NELFB: variants seen among roughly 807,000 people sequenced by gnomAD.
The protein encoded by NELFB is negative elongation factor complex member B.
A neutral mutation model predicts 60.2 loss-of-function variants in NELFB; 34 were observed. That is an observed-to-expected ratio of 0.56 (90% CI 0.43 to 0.75). NELFB has a LOEUF of 0.75. Among genes scored for constraint, NELFB ranks in the 30% least tolerant of loss-of-function variants. NELFB has a pLI of 0.00. For missense variants in NELFB, 770 were observed against 831.6 expected (o/e 0.93, Z 0.91); for synonymous variants, 459 against 382.1 (o/e 1.20, Z -2.35).
intron 6 of NELFB, 44 bp downstream of exon 6, chr9:137,264,401 G>A (rs762259538): frequency 1.3e-5 from 19 of 1,412,290 alleles, no homozygotes; most frequent in Middle Eastern, 2.4e-4. Flanking sequence ...AGGGCCCTGC[G>A]TGCATCCGGT....
intron 2 of NELFB, 120 bp from the exon 3 acceptor site, chr9:137,256,209 T>A: frequency 7.5e-7 from 1 of 1,333,728 alleles, no homozygotes; most frequent in Non-Finnish European, 1.1e-6. Flanking sequence ...GAGTGACCCC[T>A]TGACCCATGT....
At chr9:137,261,979 C>CAGAG (rs61420748) in intron 4 of NELFB, among the ~76,000 whole-genome samples, 100,263 of 150,142 alleles carry the variant, frequency 0.67, 33,772 homozygotes, top group Admixed American at 0.76. Flanking sequence ...GCAGCCTAGG[C>CAGAG]AGAGAGAGAG....
At position 137,264,273 on chromosome 9, in the gene NELFB, G is replaced by T; in HGVS notation, c.956G>T (p.Arg319Leu). 1 of 1,601,596 alleles carries T rather than the reference G, an allele frequency of 6.2e-7. No homozygotes were observed. Residue 319 changes from arginine to leucine, a missense_variant, in exon 6 of 13, where the codon CGA (arginine) becomes CTA (leucine). Transcript: ENST00000343053. ...ACCTGGTGCCTGGACGCCTGCATCC[G>T]AGAGCGGTTCGTGGACAGCAAGAGG...
At chr9:137,263,360 T>A in intron 5 of NELFB, 138 bp downstream of exon 5, 1 of 375,748 alleles carries the variant, frequency 2.7e-6, no homozygotes, top group Non-Finnish European at 4.2e-6. Flanking sequence ...CCTCCCTCCC[T>A]CCTTCTCCCT....
rs1830472924 is a variant in NELFB at position 137,263,087 on chromosome 9, C to G, written c.792C>G (p.Asp264Glu). The G allele has an allele frequency of 6.2e-7, 1 of 1,614,094 alleles. No homozygotes were observed. Among genetic ancestry groups the G allele is most frequent in the Non-Finnish European group, 8.5e-7 (1 of 1,179,960 alleles). The change falls in exon 5 of 13, where the codon GAC becomes GAG. Residue 264 changes from aspartate to glutamate, a missense_variant. Asp to Glu is a conservative substitution (Grantham distance 45, BLOSUM62 2). Transcript: ENST00000343053. ...TGGGGAAGAACGTGAAGCTGTACGA[C>G]ATGGTGCTGCAGTTTCTGCGCACGC... is the stretch of plus-strand genomic sequence containing the variant.
chr9:137,272,500 T>C lies in NELFB; in HGVS notation c.1632-7T>C. 6.2e-7 allele frequency: 1 copy of C among 1,610,752 alleles called. No individual in the cohort carries two copies. The highest frequency in any genetic ancestry group is 8.5e-7 in the Non-Finnish European group (1 of 1,178,848). ...CTCCTGCCCCAGCCCTGCACGGCCTTTTCCAGGAAGGAGAACGTGCACCGG... is the reference window on the plus strand; with the variant it reads ...CTCCTGCCCCAGCCCTGCACGGCCTCTTCCAGGAAGGAGAACGTGCACCGG... On this transcript the variant is annotated splice_region_variant and splice_polypyrimidine_tract_variant and intron_variant, in intron 11 of 12. Coordinates refer to ENST00000343053, the MANE Select transcript of NELFB (RefSeq NM_015456.5).
At chr9:137,263,330 C>A in intron 5 of NELFB, 108 bp downstream of exon 5, 1 of 1,031,514 alleles carries the variant, frequency 9.7e-7, no homozygotes, top group South Asian at 1.6e-5. Flanking sequence ...CACTGCCCTC[C>A]TGAAGGTAGC....
At chr9:137,265,499 C>T (rs996689115) in intron 6 of NELFB, among the ~76,000 whole-genome samples, 2 of 146,672 alleles carry the variant, frequency 1.4e-5, no homozygotes, top group African/African-American at 2.5e-5. Context: ...AGTGATTCTC[C>T]TGCCTCAGCC....
Position 137,272,127 on chromosome 9 carries a change from G to A in NELFB, c.1536G>A (p.Leu512=). Residue 512 remains leucine (L), a synonymous_variant, in exon 11 of 13, where the codon CTG becomes CTA. Transcript: ENST00000343053. ...CCTTTGGCGACATCTTCCTCCACCT[G>A]CTCACGGGCAACCTTGCGCTGCTGG... 1 of 1,614,216 alleles carries A rather than the reference G, an allele frequency of 6.2e-7. No individual in the cohort carries two copies. The highest frequency in any genetic ancestry group is 8.5e-7 in the Non-Finnish European group (1 of 1,180,034).
chr9:137,255,595 C>T lies in NELFB; in HGVS notation c.230C>T (p.Ala77Val). Residue 77 changes from alanine to valine, a missense_variant, in exon 1 of 13, where the codon GCC becomes GTC. Physicochemically the swap from Ala to Val is moderately conservative, Grantham distance 64. Transcript: ENST00000343053. ...ACCAACTGCACGGAGCCGCTCAAGG[C>T]CATCGAGCAGTTCCAGGTGGGGCGG... is the stretch of plus-strand genomic sequence containing the variant. The T allele has an allele frequency of 6.5e-7, 1 of 1,549,242 alleles. No homozygotes were observed.
At chr9:137,258,124 T>G (rs2089313533) in intron 4 of NELFB, among the ~76,000 whole-genome samples, 1 of 141,996 alleles carries the variant, frequency 7.0e-6, no homozygotes, top group African/African-American at 2.6e-5. Context: ...TGGGGTTTTT[T>G]TTTTTTTTTT....
intron 4 of NELFB, among the ~76,000 whole-genome samples, chr9:137,260,240 T>G (rs1439579771): frequency 1.4e-5 from 2 of 143,116 alleles, no homozygotes; most frequent in Non-Finnish European, 3.1e-5. Flanking sequence ...TTAGTAGAGA[T>G]GGGGTTTCAC....
rs780465187 is a variant in NELFB at position 137,272,143 on chromosome 9, G to T, written c.1552G>T (p.Ala518Ser). The T allele has an allele frequency of 7.4e-6, 12 of 1,614,076 alleles. No individual in the cohort carries two copies. In the Middle Eastern group the frequency reaches 6.6e-4, roughly 88 times the overall value. ...CCTCCACCTGCTCACGGGCAACCTT[G>T]CGCTGCTGGCCGACGAATTTGCCCT... Residue 518 changes from alanine (A) to serine (S), a missense_variant, in exon 11 of 13, where the codon GCG (alanine) becomes TCG (serine). By Grantham distance (99) the Ala-to-Ser change is moderately conservative. Coordinates refer to ENST00000343053, the MANE Select transcript of NELFB (RefSeq NM_015456.5).
chr9:137,261,354 A>C (rs1451007800), intron 4 of NELFB, among the ~76,000 whole-genome samples: 3 of 147,444 alleles, frequency 2.0e-5, no homozygotes, highest in Non-Finnish European at 4.5e-5. Flanking sequence ...AAAAAAAAAA[A>C]AAGTAAAAAA....
intron 3 of NELFB, among the ~76,000 whole-genome samples, 167 bp from the exon 4 acceptor site, chr9:137,256,657 T>G (rs1403009884): frequency 6.6e-6 from 1 of 152,258 alleles, no homozygotes; most frequent in African/African-American, 2.4e-5. Context: ...GCTGTTGGTA[T>G]TTAGCATGTC....
Position 137,269,099 on chromosome 9 carries a change from G to A in NELFB, c.1489+1753G>A, listed in dbSNP as rs984172726. Among the ~76,000 whole-genome samples, 13 of 152,126 alleles carry A rather than the reference G, an allele frequency of 8.5e-5. No individual in the cohort carries two copies. Among genetic ancestry groups the A allele is most frequent in the African/African-American group, 2.9e-4 (12 of 41,390 alleles). On this transcript the variant is annotated intron_variant, in intron 10 of 12. Transcript: ENST00000343053. The surrounding 1 kb of genome is among the most constrained non-coding windows in gnomAD (Gnocchi z 5.3). ...GGGACACGTCCACACCACAGCACGT[G>A]CCTATTGTGTTTCTCGGTGGCTGGT...
intron 6 of NELFB, 75 bp downstream of exon 6, chr9:137,264,432 C>T (rs187618743): frequency 2.1e-5 from 23 of 1,100,024 alleles, no homozygotes; most frequent in African/African-American, 1.3e-4. Flanking sequence ...TGTGTTTTGC[C>T]GTGGGTAGCA....
At chr9:137,261,262 C>T (rs1169245230) in intron 4 of NELFB, among the ~76,000 whole-genome samples, 4 of 150,908 alleles carry the variant, frequency 2.7e-5, no homozygotes, top group African/African-American at 9.8e-5. Context: ...ATGGTGTGAA[C>T]CTGGGAGGTG....
rs370535339 is a variant in NELFB at position 137,262,292 on chromosome 9, T to C, written c.742-745T>C. Among the ~76,000 whole-genome samples, 26 of 152,292 alleles carry C rather than the reference T, an allele frequency of 1.7e-4. No homozygotes were observed. The East Asian group carries it at 4.8e-3, about 28-fold the overall frequency. On this transcript the variant is annotated intron_variant, in intron 4 of 12. Coordinates refer to ENST00000343053, the MANE Select transcript of NELFB (RefSeq NM_015456.5). ...TCCCTGTCTGCTAAGTAGCGGGTGT[T>C]GTTCCTTCACATTTTTCGCTACCGC...
Sources: allele counts gnomAD v4.1 joint callset (sites outside exome capture counted in the v4.1 genomes callset), GRCh38; gene constraint gnomAD v4.1.1; non-coding constraint Gnocchi (gnomAD v3.1); transcripts MANE v1.5; gene names NCBI Gene and HGNC (gene_info 2026-07-23, HGNC 2026-07-21).